Variants in NSUN6 observed in about 807,000 individuals in gnomAD.
The protein encoded by NSUN6 is NOP2/Sun RNA methyltransferase 6, also known as tRNA (cytosine(72)-C(5))-methyltransferase NSUN6.
Under a neutral mutation model 58.0 loss-of-function variants are expected in NSUN6, and 64 were observed. The ratio of observed to expected loss-of-function variants is 1.10; its 90% CI spans 0.90 to 1.36. The LOEUF (loss-of-function observed/expected upper bound fraction) is 1.36, where lower values mean the gene tolerates loss of function less well. Among genes scored for constraint, NSUN6 ranks in the 40% most tolerant of loss-of-function variants. The pLI, the probability that NSUN6 is intolerant of heterozygous loss-of-function variation, is 0.00. For synonymous variants in NSUN6, 231 were observed against 193.9 expected (o/e 1.19, Z -1.59); for missense variants, 701 against 550.1 (o/e 1.27, Z -2.74).
chr10:18,655,025 C>A, upstream of NSUN6: 2 of 969,912 alleles, frequency 2.1e-6, no homozygotes, highest in Non-Finnish European at 2.4e-6. Context: ...TATACCTTAC[C>A]GAGAACTTCC....
chr10:18,638,885 C>T (rs1880400), intron 3 of NSUN6, among the ~76,000 whole-genome samples: 3 of 144,182 alleles, frequency 2.1e-5, no homozygotes, highest in Non-Finnish European at 3.0e-5. Context: ...GGACTGAAAG[C>T]AAGCACCACA....
intron 8 of NSUN6, among the ~76,000 whole-genome samples, chr10:18,557,513 T>C (rs2055128693): frequency 6.9e-6 from 1 of 145,156 alleles, no homozygotes; most frequent in South Asian, 2.2e-4. Flanking sequence ...GAGAATAGAA[T>C]GGAAGGGAGA....
chr10:18,601,802 C>A (rs553367013), intron 6 of NSUN6, among the ~76,000 whole-genome samples: 1 of 151,848 alleles, frequency 6.6e-6, no homozygotes, highest in African/African-American at 2.4e-5. Context: ...CCAACATGGT[C>A]CCCATCTCTA....
intron 3 of NSUN6, among the ~76,000 whole-genome samples, chr10:18,621,245 C>A (rs1301878521): frequency 6.6e-6 from 1 of 152,174 alleles, no homozygotes; most frequent in Non-Finnish European, 1.5e-5. Context: ...CAGCTCAGCA[C>A]TGGGGGACTT....
chr10:18,608,332 T>C (rs2058111284), intron 6 of NSUN6, among the ~76,000 whole-genome samples: 2 of 152,148 alleles, frequency 1.3e-5, no homozygotes, highest in African/African-American at 4.8e-5. Flanking sequence ...TTTCTCTTTT[T>C]ATAAAGTCAA....
chr10:18,644,991 C>G (rs1374806901), intron 2 of NSUN6, among the ~76,000 whole-genome samples: 1 of 151,638 alleles, frequency 6.6e-6, no homozygotes, highest in Non-Finnish European at 1.5e-5. Flanking sequence ...AACCCTGTCT[C>G]TACTAAAAAT....
chr10:18,600,969 T>A (rs2057808463), intron 6 of NSUN6, among the ~76,000 whole-genome samples: 2 of 110,440 alleles, frequency 1.8e-5, no homozygotes, highest in African/African-American at 7.2e-5. Flanking sequence ...TACATATATA[T>A]ATATATATGT....
chr10:18,614,535 C>G lies in NSUN6; in HGVS notation c.500G>C (p.Gly167Ala). The G allele has an allele frequency of 1.9e-6, 3 of 1,542,114 alleles. No individual in the cohort carries two copies. Among genetic ancestry groups the G allele is most frequent in the Non-Finnish European group, 2.6e-6 (3 of 1,141,532 alleles). Residue 167 changes from glycine to alanine, a missense_variant, in exon 5 of 11, where the codon GGA becomes GCA. Physicochemically the swap from Gly to Ala is moderately conservative, Grantham distance 60. Transcript: ENST00000377304. ...CCCATTTCCAAGAAATACTTTTGTTCCATCAAATTCTTTGGCTCCTTTCTT... is the reference window on the plus strand; with the variant it reads ...CCCATTTCCAAGAAATACTTTTGTTGCATCAAATTCTTTGGCTCCTTTCTT... ...KCKKGAKEFD[G>A]TKVFLGNGIS...
At chr10:18,606,315 G>C (rs1016275583) in intron 6 of NSUN6, among the ~76,000 whole-genome samples, 2 of 142,788 alleles carry the variant, frequency 1.4e-5, no homozygotes, top group African/African-American at 5.2e-5. Flanking sequence ...CCCCAGCCTA[G>C]ATGAAGCCAA....
chr10:18,618,112 G>A (rs2131370211), intron 3 of NSUN6, among the ~76,000 whole-genome samples: 1 of 152,266 alleles, frequency 6.6e-6, no homozygotes, highest in Middle Eastern at 3.4e-3. Context: ...TTCTAGTTCT[G>A]ATAGGTTTTG....
At chr10:18,598,331 A>G (rs2057676471) in intron 6 of NSUN6, among the ~76,000 whole-genome samples, 1 of 152,234 alleles carries the variant, frequency 6.6e-6, no homozygotes, top group Admixed American at 6.5e-5. Context: ...CAGGTGAAAT[A>G]AACAGCCTTG....
At chr10:18,575,931 G>T (rs1272573713) in intron 8 of NSUN6, among the ~76,000 whole-genome samples, 1 of 152,004 alleles carries the variant, frequency 6.6e-6, no homozygotes, top group African/African-American at 2.4e-5. Flanking sequence ...ATCAAGATCA[G>T]CCTGGGGATC....
chr10:18,586,081 C>G lies in NSUN6; in HGVS notation c.790G>C (p.Ala264Pro), dbSNP rs1266104891. 1 of 1,576,372 alleles carries G rather than the reference C, an allele frequency of 6.3e-7. No individual in the cohort carries two copies. Among genetic ancestry groups the G allele is most frequent in the East Asian group, 2.3e-5 (1 of 44,214 alleles). The change falls in exon 8 of 11, where the codon GCA becomes CCA. Residue 264 changes from alanine (A) to proline (P), a missense_variant. Transcript: ENST00000377304. ...ALMHDQGEVIALDKIFNKVEK... is the reference protein window; with the variant it reads ...ALMHDQGEVIPLDKIFNKVEK... ...ACTTTGTTGAAGATTTTATCCAGTG[C>G]TATAACTTCTCCCTAAAAAGAAACA...
At chr10:18,599,668 C>A (rs2057729342) in intron 6 of NSUN6, among the ~76,000 whole-genome samples, 1 of 152,152 alleles carries the variant, frequency 6.6e-6, no homozygotes, top group Non-Finnish European at 1.5e-5. Context: ...GACCCAGGCT[C>A]TAACCCAGAC....
chr10:18,631,337 C>A (rs1450406357), intron 3 of NSUN6, among the ~76,000 whole-genome samples: 3 of 145,168 alleles, frequency 2.1e-5, no homozygotes, highest in African/African-American at 5.1e-5. Context: ...CCTTTGAAAA[C>A]TGGCACAAGA....
At position 18,630,552 on chromosome 10, in the gene NSUN6, AT is replaced by A. The variant is rs554303134; in HGVS notation, c.311+11923del. 3.5e-3 allele frequency among the ~76,000 whole-genome samples: 528 copies of A among 152,370 alleles called. 2 individuals carry two copies. Among genetic ancestry groups the A allele is most frequent in the Admixed American group, 0.011 (165 of 15,296 alleles). ...AAGAGAGAAGAATCAAATAGATGCGATAAAAAATGACAAAGGGGATATCACC... is the reference window on the plus strand; with the variant it reads ...AAGAGAGAAGAATCAAATAGATGCGAAAAAAATGACAAAGGGGATATCACC... On this transcript the variant is annotated intron_variant, in intron 3 of 10. Transcript: ENST00000377304.
At chr10:18,628,456 C>G (rs4628589) in intron 3 of NSUN6, among the ~76,000 whole-genome samples, 1 of 151,968 alleles carries the variant, frequency 6.6e-6, no homozygotes, top group East Asian at 1.9e-4. Flanking sequence ...CAAATTACTC[C>G]GAGCTACGGG....
chr10:18,592,357 T>C (rs536682161), intron 7 of NSUN6, among the ~76,000 whole-genome samples: 1 of 152,190 alleles, frequency 6.6e-6, no homozygotes, highest in South Asian at 2.1e-4. Context: ...CTTAGCAGAA[T>C]TAGAAAAAAA....
chr10:18,553,655 A>C (rs2054767704), intron 8 of NSUN6, among the ~76,000 whole-genome samples: 1 of 151,554 alleles, frequency 6.6e-6, no homozygotes, highest in Non-Finnish European at 1.5e-5. Context: ...AATGGAATGG[A>C]GAATGGAATG....
Sources: gnomAD v4.1 joint callset for allele counts (sites outside exome capture counted in the v4.1 genomes callset) on GRCh38, gnomAD v4.1.1 for gene constraint, MANE v1.5 for transcripts, NCBI Gene and HGNC (gene_info 2026-07-23, HGNC 2026-07-21) for gene names.